The following PARD3B variants were observed in gnomAD, a reference collection of about 807,000 sequenced individuals.
PARD3B encodes partitioning defective 3 homolog B.
In PARD3B, 103 loss-of-function variants were observed where a neutral mutation model predicts 130.2. That is an observed-to-expected ratio of 0.79 (90% CI 0.67 to 0.93). PARD3B has a LOEUF of 0.93. Ranked by LOEUF, PARD3B falls within the 40% of genes least tolerant of loss-of-function variation. The pLI is 0.00. For synonymous variants in PARD3B, 583 were observed against 553.2 expected (o/e 1.05, Z -0.76); for missense variants, 1,609 against 1,499.2 (o/e 1.07, Z -1.21).
intron 14 of PARD3B, among the ~76,000 whole-genome samples, chr2:205,186,955 A>G (rs750001998): frequency 6.6e-6 from 1 of 152,210 alleles, no homozygotes; most frequent in Non-Finnish European, 1.5e-5. Context: ...TATCCTGTAT[A>G]TATGTGCAAA....
In PARD3B at chr2:205,432,995, C is replaced by T. The variant is rs369357107; in HGVS notation, c.2742-7375C>T. Reference sequence around the variant, plus strand: ...ATCTATTACAAGTTTCTGCATTCATCATTCAAAAAATTTTGGAAGTGTTTT... The same window carrying T: ...ATCTATTACAAGTTTCTGCATTCATTATTCAAAAAATTTTGGAAGTGTTTT... On this transcript the variant is annotated intron_variant, in intron 19 of 22. Coordinates refer to ENST00000406610, the MANE Select transcript of PARD3B (RefSeq NM_001302769.2). 2.0e-5 allele frequency among the ~76,000 whole-genome samples: 3 copies of T among 152,246 alleles called. No individual in the cohort carries two copies. The East Asian group carries it at 5.8e-4, about 29-fold the overall frequency.
chr2:205,134,209 A>G (rs1449360073), intron 10 of PARD3B, among the ~76,000 whole-genome samples: 1 of 152,118 alleles, frequency 6.6e-6, no homozygotes, highest in Non-Finnish European at 1.5e-5. Flanking sequence ...ACTGCCCCTT[A>G]CCAGCATTTA....
chr2:205,439,387 A>G (rs2047633571), intron 19 of PARD3B, among the ~76,000 whole-genome samples: 1 of 152,150 alleles, frequency 6.6e-6, no homozygotes, highest in African/African-American at 2.4e-5. Context: ...TCCAGTGACA[A>G]GGTTTACACT....
intron 18 of PARD3B, among the ~76,000 whole-genome samples, chr2:205,326,456 T>C (rs2042943466): frequency 6.6e-6 from 1 of 152,160 alleles, no homozygotes; most frequent in African/African-American, 2.4e-5. Flanking sequence ...AGGGCATCAT[T>C]GCCTGGAAAG....
At position 205,253,442 on chromosome 2, in the gene PARD3B, AG is replaced by A. The variant is rs2039943193; in HGVS notation, c.2185+7621del. ...TGGCTGGGCTGGTGGATGGGAAGCC[AG>A]TATGGATCACCTTGTGGATGGATGC... On this transcript the variant is annotated intron_variant, in intron 16 of 22. Transcript: ENST00000406610. This position sits in a 1 kb window ranked among gnomAD's most constrained non-coding sequence, Gnocchi z 4.4. 5.3e-6 allele frequency: 3 copies of A among 563,340 alleles called. No homozygotes were observed. The highest frequency in any genetic ancestry group is 4.1e-5 in the South Asian group (3 of 72,740). The allele number at this position is 563,340 out of a possible 1,614,324, so 34.9% of individuals were successfully genotyped here.
intron 4 of PARD3B, among the ~76,000 whole-genome samples, chr2:205,079,135 T>C (rs1167718736): frequency 1.3e-5 from 2 of 152,244 alleles, no homozygotes; most frequent in South Asian, 4.1e-4. Flanking sequence ...GATGATTTGC[T>C]ATGCAGCAAT....
intron 18 of PARD3B, among the ~76,000 whole-genome samples, chr2:205,303,305 C>A (rs1019586230): frequency 3.9e-5 from 6 of 152,154 alleles, no homozygotes; most frequent in Admixed American, 3.3e-4. Context: ...CTGGTATAAT[C>A]TGGCCATCAA....
intron 4 of PARD3B, among the ~76,000 whole-genome samples, chr2:205,079,862 A>T (rs1160172074): frequency 6.6e-6 from 1 of 152,178 alleles, no homozygotes; most frequent in Non-Finnish European, 1.5e-5. Flanking sequence ...GGCAGATACC[A>T]TATAGTTTAT....
chr2:205,430,282 C>A (rs1444944977), intron 19 of PARD3B, among the ~76,000 whole-genome samples: 2 of 152,118 alleles, frequency 1.3e-5, no homozygotes, highest in Non-Finnish European at 2.9e-5. Flanking sequence ...TATAAGTGAA[C>A]CCGTGTAGTT....
chr2:205,432,860 A>G (rs1250757191), intron 19 of PARD3B, among the ~76,000 whole-genome samples: 1 of 152,062 alleles, frequency 6.6e-6, no homozygotes, highest in African/African-American at 2.4e-5. Flanking sequence ...TACTAAAAAC[A>G]TATTTTTTCA....
intron 21 of PARD3B, among the ~76,000 whole-genome samples, chr2:205,542,354 T>TTGTGTGTGTG (rs143438143): frequency 0.023 from 3,409 of 145,162 alleles, 55 homozygotes; most frequent in East Asian, 0.053. Context: ...TAGTTTGTGT[T>TTGTGTGTGTG]TGTGTGTGTG....
intron 20 of PARD3B, among the ~76,000 whole-genome samples, chr2:205,484,100 G>C (rs981263046): frequency 1.3e-5 from 2 of 152,156 alleles, no homozygotes; most frequent in African/African-American, 4.8e-5. Context: ...ATGGCAAATA[G>C]CAGAATTCGG....
intron 1 of PARD3B, among the ~76,000 whole-genome samples, chr2:204,561,229 A>G (rs1396347550): frequency 6.6e-6 from 1 of 152,154 alleles, no homozygotes; most frequent in Admixed American, 6.5e-5. Flanking sequence ...GCCTTGATTC[A>G]AGGTTGGGAT....
chr2:205,346,271 G>GC (rs1191158025), intron 18 of PARD3B, among the ~76,000 whole-genome samples: 1 of 151,488 alleles, frequency 6.6e-6, no homozygotes, highest in Non-Finnish European at 1.5e-5. Context: ...AGGCTGCCTG[G>GC]CCCCCCTGGA....
At position 204,610,087 on chromosome 2, in the gene PARD3B, G is replaced by C. The variant is rs943697036; in HGVS notation, c.120+63968G>C. Among the ~76,000 whole-genome samples, 1 of 151,996 alleles carries C rather than the reference G, an allele frequency of 6.6e-6. No individual in the cohort carries two copies. The highest frequency in any genetic ancestry group is 1.9e-4 in the East Asian group (1 of 5,156). The stretch of plus-strand genomic sequence containing the variant: ...TTATGATGCCAATTTCAATGTTAAT[G>C]CTGGCCAGTTATGCCTAAACTCCCA... On this transcript the variant is annotated intron_variant, in intron 1 of 22. Coordinates refer to ENST00000406610, the MANE Select transcript of PARD3B (RefSeq NM_001302769.2). This position sits in a 1 kb window ranked among gnomAD's most constrained non-coding sequence, Gnocchi z 4.1.
At chr2:205,583,400 T>TGTGTGTGTGTGTGTGTGTGC (rs1192785640) in intron 22 of PARD3B, among the ~76,000 whole-genome samples, 2 of 133,890 alleles carry the variant, frequency 1.5e-5, no homozygotes, top group Non-Finnish European at 3.2e-5. Flanking sequence ...TGTGTGTGTG[T>TGTGTGTGTGTGTGTGTGTGC]GCGCGCGCAC....
Position 205,172,337 on chromosome 2 carries a change from A to T in PARD3B, c.1747A>T (p.Met583Leu). The T allele has an allele frequency of 6.2e-7, 1 of 1,614,132 alleles. No individual in the cohort carries two copies. Among genetic ancestry groups the T allele is most frequent in the East Asian group, 2.2e-5 (1 of 44,880 alleles). Residue 583 changes from methionine (M) to leucine (L), a missense_variant, in exon 12 of 23, where the codon ATG (methionine) becomes TTG (leucine). Met to Leu is a conservative substitution (Grantham distance 15). Coordinates refer to ENST00000406610, the MANE Select transcript of PARD3B (RefSeq NM_001302769.2). Reference sequence around the variant, plus strand: ...GTCCATGGAGGGAAACATCCGAGGGATGATCCAGTTGGTGATTCTGAGGAG... The same window carrying T: ...GTCCATGGAGGGAAACATCCGAGGGTTGATCCAGTTGGTGATTCTGAGGAG... ...SMSMEGNIRG[M>L]IQLVILRRPE...
intron 16 of PARD3B, among the ~76,000 whole-genome samples, chr2:205,289,442 A>G (rs1349730166): frequency 6.6e-6 from 1 of 152,234 alleles, no homozygotes; most frequent in African/African-American, 2.4e-5. Context: ...TCTGTATCAG[A>G]TAATCTTCCA....
At chr2:205,083,371 T>G (rs1701549874) in intron 4 of PARD3B, among the ~76,000 whole-genome samples, 1 of 151,190 alleles carries the variant, frequency 6.6e-6, no homozygotes, top group Admixed American at 6.6e-5. Flanking sequence ...CCAAGTTACT[T>G]GGAAATTCAT....
Sources: allele counts gnomAD v4.1 joint callset (sites outside exome capture counted in the v4.1 genomes callset), GRCh38; gene constraint gnomAD v4.1.1; non-coding constraint Gnocchi (gnomAD v3.1); transcripts MANE v1.5; gene names NCBI Gene and HGNC (gene_info 2026-07-23, HGNC 2026-07-21).